Variants in NRXN3 observed in about 807,000 individuals in gnomAD.
The protein encoded by NRXN3 is neurexin 3, also known as neurexin III.
In NRXN3, 32 loss-of-function variants were observed where a neutral mutation model predicts 137.6. The ratio of observed to expected loss-of-function variants is 0.23; its 90% CI spans 0.18 to 0.31. NRXN3 has a LOEUF of 0.31. NRXN3 is among the 10% of genes least tolerant of loss of function. The pLI is 1.00. For synonymous variants in NRXN3, 798 were observed against 784.5 expected (o/e 1.02, Z -0.29); for missense variants, 1,574 against 2,062.5 (o/e 0.76, Z 4.59).
In NRXN3 at chr14:79,003,221, T is replaced by G. The variant is rs544746596; in HGVS notation, c.3262+15080T>G. 3.3e-5 allele frequency among the ~76,000 whole-genome samples: 5 copies of G among 152,244 alleles called. No individual in the cohort carries two copies. The South Asian group carries it at 1.0e-3, about 32-fold the overall frequency. ...GTCTTTAGTAATCTTATCTCCTAATTTTGGTTCTTGCCTGGAATGAAGAAA... is the reference window on the plus strand; with the variant it reads ...GTCTTTAGTAATCTTATCTCCTAATGTTGGTTCTTGCCTGGAATGAAGAAA... On this transcript the variant is annotated intron_variant, in intron 15 of 20. Coordinates refer to ENST00000335750, the MANE Select transcript of NRXN3 (RefSeq NM_001330195.2).
chr14:79,382,348 T>C (rs1313482219), intron 15 of NRXN3, among the ~76,000 whole-genome samples: 1 of 152,154 alleles, frequency 6.6e-6, no homozygotes, highest in Non-Finnish European at 1.5e-5. Context: ...CAATGGGCTG[T>C]CTACCAAGAG....
chr14:78,939,751 A>C (rs890134564), intron 10 of NRXN3, among the ~76,000 whole-genome samples: 4 of 152,196 alleles, frequency 2.6e-5, no homozygotes, highest in African/African-American at 9.6e-5. Context: ...GAGCTTCATA[A>C]ATATTTAAGG....
At chr14:79,515,214 G>T (rs1056190356) in intron 16 of NRXN3, among the ~76,000 whole-genome samples, 6 of 150,560 alleles carry the variant, frequency 4.0e-5, no homozygotes, top group Non-Finnish European at 7.3e-5. Flanking sequence ...GAAAAGTAGG[G>T]AAAGAAAGCA....
Position 78,980,897 on chromosome 14 carries a change from C to A in NRXN3, c.3143-7125C>A, listed in dbSNP as rs7152596. 0.031 allele frequency among the ~76,000 whole-genome samples: 4,771 copies of A among 152,234 alleles called. 481 individuals are homozygous for A. In the East Asian group the frequency reaches 0.4, roughly 13 times the overall value. On this transcript the variant is annotated intron_variant, in intron 14 of 20. Transcript: ENST00000335750. ...TCTCAAAGGGATATGTGACTATTTT[C>A]GTGAGAGTTATTCACATATCAAGAG... is the stretch of plus-strand genomic sequence containing the variant.
In NRXN3 at chr14:79,463,276, G is replaced by A. The variant is rs191017825; in HGVS notation, c.3263-3945G>A. ...GTCACCCACTTAATTAGCTTGTTCC[G>A]TAACTTTCACCCAGGACTCCTTTAT... On this transcript the variant is annotated intron_variant, in intron 15 of 20. Coordinates refer to ENST00000335750, the MANE Select transcript of NRXN3 (RefSeq NM_001330195.2). Among the ~76,000 whole-genome samples, 729 of 152,176 alleles carry A rather than the reference G, an allele frequency of 4.8e-3. 7 individuals carry two copies. The highest frequency in any genetic ancestry group is 0.015 in the African/African-American group (620 of 41,526).
chr14:78,535,659 G>A (rs1295331593), intron 4 of NRXN3, among the ~76,000 whole-genome samples: 3 of 152,312 alleles, frequency 2.0e-5, no homozygotes, highest in African/African-American at 7.2e-5. Context: ...ATGATATGAT[G>A]TAGTTGAAAG....
chr14:79,284,343 CATATATATATATATATATATATATAT>C (rs60596302), intron 15 of NRXN3, among the ~76,000 whole-genome samples: 1,308 of 65,122 alleles, frequency 0.02, 69 homozygotes, highest in Middle Eastern at 0.17. Context: ...ACTAAAAATA[CATATATATATATATATATATATATAT>C]ATATATATAT....
chr14:78,441,620 T>C (rs1028226995), intron 4 of NRXN3, among the ~76,000 whole-genome samples: 1 of 152,128 alleles, frequency 6.6e-6, no homozygotes, highest in African/African-American at 2.4e-5. Flanking sequence ...GGTTGAGTTT[T>C]GTTGTGGATT....
intron 15 of NRXN3, among the ~76,000 whole-genome samples, chr14:78,991,845 C>T (rs1424995942): frequency 2.6e-5 from 4 of 152,120 alleles, no homozygotes; most frequent in Non-Finnish European, 5.9e-5. Context: ...ATGAGTACAG[C>T]GTACATTTTA....
chr14:78,313,171 T>C (rs1597191185), intron 4 of NRXN3, among the ~76,000 whole-genome samples: 1 of 152,174 alleles, frequency 6.6e-6, no homozygotes, highest in Non-Finnish European at 1.5e-5. Flanking sequence ...CCAAAAATTA[T>C]AGGAAAAAAA....
At chr14:78,928,740 GA>G (rs2152857103) in intron 10 of NRXN3, among the ~76,000 whole-genome samples, 1 of 130,140 alleles carries the variant, frequency 7.7e-6, no homozygotes, top group East Asian at 2.5e-4. Flanking sequence ...TTGCTATTGT[GA>G]ATTAGTGCCT....
chr14:79,224,086 G>T (rs1201231364), intron 15 of NRXN3, among the ~76,000 whole-genome samples: 1 of 152,136 alleles, frequency 6.6e-6, no homozygotes, highest in Non-Finnish European at 1.5e-5. Context: ...AGTGATAAGA[G>T]ATGAGATAGA....
chr14:79,059,506 C>G (rs1212186238), intron 15 of NRXN3, among the ~76,000 whole-genome samples: 2 of 151,996 alleles, frequency 1.3e-5, no homozygotes. Context: ...ATCCCCCAGC[C>G]TTGACCTCCC....
chr14:79,843,795 T>C (rs531479863), intron 20 of NRXN3, among the ~76,000 whole-genome samples: 1 of 152,206 alleles, frequency 6.6e-6, no homozygotes, highest in South Asian at 2.1e-4. Context: ...TTATAGGTGG[T>C]TTTTGGTTGC....
At chr14:79,350,735 C>T (rs973563161) in intron 15 of NRXN3, among the ~76,000 whole-genome samples, 2 of 152,052 alleles carry the variant, frequency 1.3e-5, no homozygotes, top group Non-Finnish European at 2.9e-5. Context: ...TCGGGGCCAT[C>T]TCTGAGCTAC....
At chr14:78,604,440 A>G (rs2097230215) in intron 4 of NRXN3, among the ~76,000 whole-genome samples, 2 of 152,282 alleles carry the variant, frequency 1.3e-5, no homozygotes, top group African/African-American at 4.8e-5. Flanking sequence ...GAGAGTGAAA[A>G]AAGAACCTCC....
At chr14:78,245,836 T>C (rs2067594748) in intron 2 of NRXN3, among the ~76,000 whole-genome samples, 1 of 152,100 alleles carries the variant, frequency 6.6e-6, no homozygotes. Context: ...TCGTCCTTAT[T>C]TGGCTTCTGT....
At chr14:79,825,367 A>G (rs2099293146) in intron 20 of NRXN3, among the ~76,000 whole-genome samples, 1 of 151,260 alleles carries the variant, frequency 6.6e-6, no homozygotes, top group Non-Finnish European at 1.5e-5. Context: ...TACTCTCTTC[A>G]CTCTGATTCT....
chr14:79,700,325 GA>G (rs1343460211), intron 19 of NRXN3, among the ~76,000 whole-genome samples: 2 of 151,802 alleles, frequency 1.3e-5, no homozygotes, highest in Admixed American at 6.6e-5. Flanking sequence ...AGTGAGTGGG[GA>G]AAAAAAGGTA....
Sources: allele counts gnomAD v4.1 joint callset (sites outside exome capture counted in the v4.1 genomes callset), GRCh38; gene constraint gnomAD v4.1.1; transcripts MANE v1.5; gene names NCBI Gene and HGNC (gene_info 2026-07-23, HGNC 2026-07-21).